Variants in ERCC6L2 observed in about 807,000 individuals in gnomAD.
ERCC6L2 encodes the protein ERCC excision repair 6 like 2.
Under a neutral mutation model 132.0 loss-of-function variants are expected in ERCC6L2, and 77 were observed. That is an observed-to-expected ratio of 0.58 (90% confidence interval 0.49 to 0.71). ERCC6L2 has a LOEUF of 0.71. ERCC6L2 is among the 30% of genes least tolerant of loss of function. The pLI is 0.00. For missense variants in ERCC6L2, 1,542 were observed against 1,837.6 expected (o/e 0.84, Z 2.94); for synonymous variants, 583 against 632.4 (o/e 0.92, Z 1.17).
Position 95,972,180 on chromosome 9 carries a change from A to G in ERCC6L2, c.2429A>G (p.Asp810Gly). 1 of 1,304,246 alleles carries G rather than the reference A, an allele frequency of 7.7e-7. No individual in the cohort carries two copies. Among genetic ancestry groups the G allele is most frequent in the Non-Finnish European group, 1.0e-6 (1 of 988,944 alleles). The allele number at this position is 1,304,246 out of a possible 1,614,324, so 80.8% of individuals were successfully genotyped here. Residue 810 changes from aspartate (D) to glycine (G), a missense_variant, in exon 16 of 19, where the codon GAT (aspartate) becomes GGT (glycine). Physicochemically the swap from Asp to Gly is moderately conservative, Grantham distance 94. Around this residue, in one of 4 missense-constraint regions of ERCC6L2, gnomAD observed 945 missense variants for 1,105.2 expected, o/e 0.86. Coordinates refer to ENST00000653738, the MANE Select transcript of ERCC6L2 (RefSeq NM_020207.7). ...AAATGTAAAGCAGTTGAGGATAGTG[A>G]TGGAAATACTGCCTCTGATGATGAA... The part of the protein sequence containing the change: ...ETKCKAVEDS[D>G]GNTASDDESS...
chr9:95,976,301 T>C (rs1261260973), intron 16 of ERCC6L2, among the ~76,000 whole-genome samples: 1 of 152,128 alleles, frequency 6.6e-6, no homozygotes, highest in East Asian at 1.9e-4. Context: ...CAGTTTTTCC[T>C]CTTTATTGGG....
At chr9:95,926,428 G>A (rs905820845) in intron 9 of ERCC6L2, among the ~76,000 whole-genome samples, 2 of 152,140 alleles carry the variant, frequency 1.3e-5, no homozygotes, top group African/African-American at 4.8e-5. Context: ...CAGCCATACT[G>A]TGGAGTACTA....
chr9:95,976,182 C>T (rs1008057425), intron 16 of ERCC6L2, among the ~76,000 whole-genome samples: 3 of 152,142 alleles, frequency 2.0e-5, no homozygotes, highest in Admixed American at 1.3e-4. Context: ...ATGTAGAGTG[C>T]TGCACTGTGG....
intron 7 of ERCC6L2, 38 bp downstream of exon 7, chr9:95,921,353 A>C: frequency 6.5e-7 from 1 of 1,549,236 alleles, no homozygotes; most frequent in South Asian, 1.2e-5. Context: ...CATGCTTTTG[A>C]TTACATAGTA....
At chr9:95,967,356 C>A (rs1203619163) in intron 14 of ERCC6L2, 2 of 152,132 alleles carry the variant, frequency 1.3e-5, no homozygotes, top group Admixed American at 1.3e-4. Flanking sequence ...TTTTCAACCT[C>A]CTCATGGTAT....
At position 95,916,442 on chromosome 9, in the gene ERCC6L2, C is replaced by G; in HGVS notation, c.1158+8C>G. ...CCTAAGAAGGAAGACCGGGTAAGAA[C>G]CGCATTTGTATATATTATTAATTTG... On this transcript the variant is annotated splice_region_variant and intron_variant, in intron 6 of 18. Coordinates refer to ENST00000653738, the MANE Select transcript of ERCC6L2 (RefSeq NM_020207.7). 1 of 1,537,350 alleles carries G rather than the reference C, an allele frequency of 6.5e-7. No individual in the cohort carries two copies. The highest frequency in any genetic ancestry group is 8.7e-7 in the Non-Finnish European group (1 of 1,148,918).
chr9:95,895,851 C>T (rs751451443), intron 2 of ERCC6L2, among the ~76,000 whole-genome samples: 2 of 151,854 alleles, frequency 1.3e-5, no homozygotes, highest in African/African-American at 2.4e-5. Flanking sequence ...CTCAGCCTCC[C>T]GAATAGCTGG....
intron 3 of ERCC6L2, among the ~76,000 whole-genome samples, chr9:95,900,563 C>T (rs1315658890): frequency 6.6e-6 from 1 of 152,068 alleles, no homozygotes; most frequent in East Asian, 1.9e-4. Context: ...ATTGTTGGGG[C>T]TCAGGATGAT....
In ERCC6L2 at chr9:95,907,863, A is replaced by ACACACACACACACACACC. The variant is rs1259450173; in HGVS notation, c.788+593_788+594insACACACACACACACACCC. Among the ~76,000 whole-genome samples the ACACACACACACACACACC allele has an allele frequency of 6.8e-3, 1,020 of 150,186 alleles. 16 individuals carry two copies. Among genetic ancestry groups the ACACACACACACACACACC allele is most frequent in the African/African-American group, 0.023 (945 of 40,302 alleles). ...CACACACACACACACACACCCCCAC[A>ACACACACACACACACACC]CCCACACACCCACTGTAGCATAGAG... On this transcript the variant is annotated intron_variant, in intron 4 of 18. Coordinates refer to ENST00000653738, the MANE Select transcript of ERCC6L2 (RefSeq NM_020207.7).
chr9:95,918,370 C>A, intron 6 of ERCC6L2: 1 of 357,972 alleles, frequency 2.8e-6, no homozygotes, highest in Non-Finnish European at 5.6e-6. Context: ...AATCTGGGTG[C>A]ACAGATTTTA....
At chr9:95,923,635 T>G (rs1321516760) in intron 9 of ERCC6L2, among the ~76,000 whole-genome samples, 2 of 152,226 alleles carry the variant, frequency 1.3e-5, no homozygotes, top group Non-Finnish European at 2.9e-5. Flanking sequence ...ATATTGGACT[T>G]ATGCCCTCTT....
chr9:96,029,104 A>C (rs567625975), intron 19 of ERCC6L2, among the ~76,000 whole-genome samples: 8 of 152,154 alleles, frequency 5.3e-5, no homozygotes, highest in Non-Finnish European at 1.0e-4. Context: ...GGAGATCGAG[A>C]CCATCCTGGC....
intron 11 of ERCC6L2, among the ~76,000 whole-genome samples, chr9:95,937,489 C>T (rs1160700122): frequency 4.6e-5 from 7 of 151,746 alleles, no homozygotes; most frequent in Admixed American, 3.9e-4. Flanking sequence ...TTTTTTTTCC[C>T]TAAGAGTTTT....
Position 96,012,674 on chromosome 9 carries a change from C to T in ERCC6L2, c.4124C>T (p.Ala1375Val), listed in dbSNP as rs775151492. 1.5e-6 allele frequency: 2 copies of T among 1,367,578 alleles called. No homozygotes were observed. Among genetic ancestry groups the T allele is most frequent in the Non-Finnish European group, 2.0e-6 (2 of 1,021,848 alleles). The allele number at this position is 1,367,578 out of a possible 1,614,324, so 84.7% of individuals were successfully genotyped here. A position where few individuals can be genotyped will look rare whatever the true frequency, so the allele number is the denominator to read the frequency against. The change falls in exon 19 of 19, where the codon GCA becomes GTA. Residue 1375 changes from alanine (A) to valine (V), a missense_variant. By Grantham distance (64) the Ala-to-Val change is moderately conservative. This residue lies in a region of ERCC6L2 where 442 missense variants were observed against 583.4 expected (regional missense o/e 0.76). Transcript: ENST00000653738. ...QEIDSGKNSQ[A>V]SEDTVTSRSL... ...ATTGACAGTGGGAAAAACAGCCAGG[C>T]ATCCGAAGATACTGTGACATCCCGT...
intron 2 of ERCC6L2, among the ~76,000 whole-genome samples, chr9:95,889,631 A>G (rs1299802295): frequency 6.6e-6 from 1 of 152,158 alleles, no homozygotes; most frequent in South Asian, 2.1e-4. Flanking sequence ...CCATTACCCT[A>G]AAAAGTTTTT....
chr9:95,958,073 T>C (rs1831703978), intron 13 of ERCC6L2, among the ~76,000 whole-genome samples: 1 of 129,946 alleles, frequency 7.7e-6, no homozygotes, highest in Non-Finnish European at 1.6e-5. Flanking sequence ...TTCCCCTTCC[T>C]GTGTCCATGT....
intron 17 of ERCC6L2, among the ~76,000 whole-genome samples, chr9:95,990,222 G>T (rs958836779): frequency 1.3e-5 from 2 of 152,218 alleles, no homozygotes; most frequent in African/African-American, 4.8e-5. Flanking sequence ...TAGACAGAAA[G>T]ACTATTATAT....
Position 95,939,507 on chromosome 9 carries a change from C to T in ERCC6L2, c.1752-1947C>T, listed in dbSNP as rs139797729. Among the ~76,000 whole-genome samples the T allele has an allele frequency of 5.3e-5, 8 of 152,212 alleles. No individual in the cohort carries two copies. The East Asian group carries it at 1.5e-3, about 29-fold the overall frequency. ...GATATCCATGGTTTCTGATGTTTCT[C>T]TCTGTTGTTCATATTTCGTGAATGA... On this transcript the variant is annotated intron_variant, in intron 11 of 18. Transcript: ENST00000653738.
intron 12 of ERCC6L2, among the ~76,000 whole-genome samples, chr9:95,953,658 AAAAG>A (rs951490320): frequency 6.6e-6 from 1 of 152,116 alleles, no homozygotes; most frequent in African/African-American, 2.4e-5. Context: ...CATTTATTAA[AAAAG>A]AAAGGCCAAA....
Sources: allele counts gnomAD v4.1 joint callset (sites outside exome capture counted in the v4.1 genomes callset), GRCh38; gene constraint gnomAD v4.1.1; regional missense constraint gnomAD v4.1.1; transcripts MANE v1.5; gene names NCBI Gene and HGNC (gene_info 2026-07-23, HGNC 2026-07-21).